LYZL4: variants seen among roughly 807,000 people sequenced by gnomAD.
The protein encoded by LYZL4 is lysozyme-like protein 4.
In LYZL4, 13 loss-of-function variants were observed where a neutral mutation model predicts 17.6. The ratio of observed to expected loss-of-function variants is 0.74; its 90% CI spans 0.48 to 1.18. The LOEUF (loss-of-function observed/expected upper bound fraction) is 1.18, where lower values mean the gene tolerates loss of function less well. Ranked by LOEUF, LYZL4 falls within the 50% of genes most tolerant of loss-of-function variation. The probability of loss-of-function intolerance (pLI) is 0.00; values close to 1 mark genes in which losing one functional copy is unlikely to be tolerated. For synonymous variants in LYZL4, 64 were observed against 67.7 expected (o/e 0.95, Z 0.27); for missense variants, 174 against 188.2 (o/e 0.92, Z 0.44).
At chr3:42,406,448 C>T (rs1194665116) in intron 3 of LYZL4, among the ~76,000 whole-genome samples, 6 of 109,528 alleles carry the variant, frequency 5.5e-5, no homozygotes, top group Admixed American at 1.0e-4. Flanking sequence ...AGTGAGACTC[C>T]GTCTCAAAAA....
intron 3 of LYZL4, among the ~76,000 whole-genome samples, chr3:42,406,396 G>A (rs934174115): frequency 6.8e-6 from 1 of 146,926 alleles, no homozygotes; most frequent in Non-Finnish European, 1.5e-5. Context: ...GGAGCTTGCC[G>A]TGAGCCGAGA....
At chr3:42,392,575 G>T (rs901197366), downstream of LYZL4, among the ~76,000 whole-genome samples, 1 of 152,206 alleles carries the variant, frequency 6.6e-6, no homozygotes, top group Non-Finnish European at 1.5e-5. Flanking sequence ...AGGTAAAGTT[G>T]GTTGTAACCA....
chr3:42,365,571 A>G, the LYZL4 span, among the ~76,000 whole-genome samples: 1 of 152,190 alleles, frequency 6.6e-6, no homozygotes, highest in East Asian at 1.9e-4. Flanking sequence ...ATGTGAGAAC[A>G]CATCGAGCCT....
Position 42,406,859 on chromosome 3 carries a change from A to G in LYZL4, c.279T>C (p.His93=), listed in dbSNP as rs1235706831. Residue 93 remains histidine, a synonymous_variant, in exon 3 of 5, where the codon CAT becomes CAC. Coordinates refer to ENST00000287748, the MANE Select transcript of LYZL4 (RefSeq NM_144634.4). The part of the protein sequence containing the change: ...WCGDHGRNRC[H]MSCSALLNPN... Reference sequence around the variant, plus strand: ...AGAGGGACTTACCGGAACATGACATATGGCAGCGGTTCCTGCCATGGTCGC... The same window carrying G: ...AGAGGGACTTACCGGAACATGACATGTGGCAGCGGTTCCTGCCATGGTCGC... The G allele has an allele frequency of 2.5e-6, 4 of 1,614,096 alleles. No individual in the cohort carries two copies. Among genetic ancestry groups the G allele is most frequent in the Non-Finnish European group, 3.4e-6 (4 of 1,180,038 alleles).
downstream of LYZL4, among the ~76,000 whole-genome samples, chr3:42,393,332 C>A (rs567484412): frequency 7.3e-6 from 1 of 137,494 alleles, no homozygotes; most frequent in African/African-American, 2.9e-5. Flanking sequence ...CAGACGTGTG[C>A]GCGTGCACAC....
chr3:42,365,758 G>C, the LYZL4 span, among the ~76,000 whole-genome samples: 19 of 152,150 alleles, frequency 1.2e-4, no homozygotes, highest in African/African-American at 4.1e-4. Flanking sequence ...CTACCACAAA[G>C]GGTATGCTCT....
chr3:42,394,221 C>T (rs74802158), downstream of LYZL4, among the ~76,000 whole-genome samples: 7 of 152,336 alleles, frequency 4.6e-5, no homozygotes, highest in East Asian at 3.9e-4. Flanking sequence ...GGCACCAACA[C>T]GATGACCATT....
At chr3:42,378,813 A>G in the LYZL4 span, among the ~76,000 whole-genome samples, 1 of 152,118 alleles carries the variant, frequency 6.6e-6, no homozygotes, top group Non-Finnish European at 1.5e-5. Flanking sequence ...TACATGCATA[A>G]TCTCACTTCA....
chr3:42,393,295 G>A (rs868124890), downstream of LYZL4, among the ~76,000 whole-genome samples: 8 of 152,040 alleles, frequency 5.3e-5, no homozygotes, highest in Admixed American at 6.6e-5. Flanking sequence ...GACTTGGACA[G>A]GCTATGCTGC....
intron 4 of LYZL4, 54 bp from the exon 5 acceptor site, chr3:42,397,388 C>T (rs1397948728): frequency 4.5e-5 from 56 of 1,245,062 alleles, no homozygotes; most frequent in Non-Finnish European, 6.3e-5. Flanking sequence ...TCAGGGTCTC[C>T]AGGGCTTCAC....
chr3:42,384,873 C>A, the LYZL4 span, among the ~76,000 whole-genome samples: 2 of 152,000 alleles, frequency 1.3e-5, no homozygotes, highest in African/African-American at 4.8e-5. Flanking sequence ...TCACACAAAC[C>A]AAGAAGTAGG....
rs759274258 is a variant in LYZL4 at position 42,406,843 on chromosome 3, T to C, written c.292+3A>G. ...CCCGCACGGAATGGAAAGAGGGACT[T>C]ACCGGAACATGACATATGGCAGCGG... is the stretch of plus-strand genomic sequence containing the variant. On this transcript the variant is annotated splice_donor_region_variant and intron_variant, in intron 3 of 4. Transcript: ENST00000287748. 1.4e-5 allele frequency: 22 copies of C among 1,613,888 alleles called. No individual in the cohort carries two copies. In the South Asian group the frequency reaches 2.4e-4, roughly 18 times the overall value.
intron 4 of LYZL4, among the ~76,000 whole-genome samples, chr3:42,400,066 G>T (rs1052548503): frequency 6.6e-6 from 1 of 151,954 alleles, no homozygotes; most frequent in East Asian, 1.9e-4. Flanking sequence ...CAACAAAAAG[G>T]CTCAGCCTCT....
chr3:42,404,712 A>G (rs74838180), intron 3 of LYZL4, among the ~76,000 whole-genome samples: 8 of 152,198 alleles, frequency 5.3e-5, no homozygotes, highest in Admixed American at 5.2e-4. Context: ...ATATTTATCT[A>G]TGTTTATAGA....
chr3:42,402,854 C>T (rs949434739), intron 4 of LYZL4, among the ~76,000 whole-genome samples: 1 of 152,136 alleles, frequency 6.6e-6, no homozygotes, highest in Non-Finnish European at 1.5e-5. Flanking sequence ...CTACCAAATG[C>T]CCACAAATAG....
the LYZL4 span, among the ~76,000 whole-genome samples, chr3:42,391,149 G>A: frequency 6.6e-6 from 1 of 152,250 alleles, no homozygotes; most frequent in South Asian, 2.1e-4. Context: ...CCCTTTCAAT[G>A]CATATCCATT....
chr3:42,406,750 G>A (rs1311844719), intron 3 of LYZL4, 96 bp downstream of exon 3: 1 of 1,499,660 alleles, frequency 6.7e-7, no homozygotes, highest in Non-Finnish European at 9.1e-7. Flanking sequence ...CCTCTTCTTT[G>A]TAAAACTTTG....
At position 42,398,037 on chromosome 3, in the gene LYZL4, G is replaced by A. The variant is rs144584241; in HGVS notation, c.372-703C>T. Reference sequence around the variant, plus strand: ...CACCCCTCAGCGGGCCGGTTTCCACGGGTCTTCCAGGATAGGAGGTCCCAC... The same window carrying A: ...CACCCCTCAGCGGGCCGGTTTCCACAGGTCTTCCAGGATAGGAGGTCCCAC... On this transcript the variant is annotated intron_variant, in intron 4 of 4. Transcript: ENST00000287748. 3.4e-3 allele frequency among the ~76,000 whole-genome samples: 513 copies of A among 152,232 alleles called. 3 individuals are homozygous for A. The highest frequency in any genetic ancestry group is 0.012 in the African/African-American group (480 of 41,520).
At chr3:42,362,486 AG>A in the LYZL4 span, among the ~76,000 whole-genome samples, 3 of 152,220 alleles carry the variant, frequency 2.0e-5, no homozygotes, top group Non-Finnish European at 4.4e-5. Flanking sequence ...TCAGTTCTGG[AG>A]GCTGGGAAGC....
Sources: gnomAD v4.1 joint callset for allele counts (sites outside exome capture counted in the v4.1 genomes callset) on GRCh38, gnomAD v4.1.1 for gene constraint, MANE v1.5 for transcripts, NCBI Gene and HGNC (gene_info 2026-07-23, HGNC 2026-07-21) for gene names.